The following ZNF277 variants were observed in gnomAD, a reference collection of about 807,000 sequenced individuals.
The protein encoded by ZNF277 is nuclear receptor-interacting factor 4.
Under a neutral mutation model 60.7 loss-of-function variants are expected in ZNF277, and 55 were observed. The ratio of observed to expected loss-of-function variants is 0.91; its 90% confidence interval spans 0.73 to 1.13. ZNF277 has a LOEUF of 1.13. ZNF277 is among the 50% of genes most tolerant of loss of function. ZNF277 has a pLI of 0.00. For synonymous variants in ZNF277, 178 were observed against 179.3 expected (o/e 0.99, Z 0.06); for missense variants, 510 against 523.0 (o/e 0.98, Z 0.24).
chr7:112,282,069 G>T (rs925697792), intron 1 of ZNF277, among the ~76,000 whole-genome samples: 2 of 152,150 alleles, frequency 1.3e-5, no homozygotes, highest in Non-Finnish European at 2.9e-5. Context: ...CTGACCTTGC[G>T]ATCTGCCTAC....
Position 112,222,102 on chromosome 7 carries a change from T to A in ZNF277, c.91+15295T>A, listed in dbSNP as rs140744836. On this transcript the variant is annotated intron_variant, in intron 1 of 11. Coordinates refer to ENST00000361822, the MANE Select transcript of ZNF277 (RefSeq NM_021994.3). ...GCTGTTGAATTTAGTTTGCAACTAT[T>A]TTGTTGAGTATTTTGTCTATCAGGG... 1.8e-3 allele frequency among the ~76,000 whole-genome samples: 274 copies of A among 152,332 alleles called. 1 individual carries two copies. The highest frequency in any genetic ancestry group is 6.3e-3 in the African/African-American group (263 of 41,570).
intron 1 of ZNF277, among the ~76,000 whole-genome samples, chr7:112,232,736 T>C (rs145647479): frequency 0.013 from 1,990 of 152,302 alleles, 48 homozygotes; most frequent in African/African-American, 0.046. Context: ...GTGCACGTCC[T>C]ATCCCATTGA....
chr7:112,235,457 G>A (rs567974193), intron 1 of ZNF277, among the ~76,000 whole-genome samples: 55 of 152,142 alleles, frequency 3.6e-4, no homozygotes, highest in African/African-American at 1.3e-3. Context: ...CCACCCAAGT[G>A]AGTATGAAGT....
intron 1 of ZNF277, among the ~76,000 whole-genome samples, chr7:112,258,878 T>C (rs756146838): frequency 2.0e-5 from 3 of 152,060 alleles, no homozygotes; most frequent in Non-Finnish European, 4.4e-5. Flanking sequence ...CCATTTGCCT[T>C]TGTGACATTA....
intron 1 of ZNF277, among the ~76,000 whole-genome samples, chr7:112,278,802 C>G (rs1165900121): frequency 2.0e-5 from 3 of 152,090 alleles, no homozygotes; most frequent in Non-Finnish European, 2.9e-5. Context: ...TTAATGTACA[C>G]TACTATTAAG....
At chr7:112,298,736 C>T (rs1422225682) in intron 4 of ZNF277, among the ~76,000 whole-genome samples, 1 of 152,192 alleles carries the variant, frequency 6.6e-6, no homozygotes, top group African/African-American at 2.4e-5. Context: ...TTGGTTCTTG[C>T]TTCATAGCAC....
Position 112,337,748 on chromosome 7 carries a change from A to G in ZNF277, c.888A>G (p.Glu296=), listed in dbSNP as rs930111217. ...DHQEDDWSDW[E]EHPASAVCLF... ...AATTCAGTGACTGGTCTGATTGGGA[A>G]GAACACCCTGCCTCTGCAGTCTGCT... is the stretch of plus-strand genomic sequence containing the variant. The change falls in exon 9 of 12, where the codon GAA becomes GAG. Residue 296 remains glutamate (E), a synonymous_variant. Coordinates refer to ENST00000361822, the MANE Select transcript of ZNF277 (RefSeq NM_021994.3). 1.2e-6 allele frequency: 2 copies of G among 1,612,374 alleles called. No homozygotes were observed. Among genetic ancestry groups the G allele is most frequent in the Non-Finnish European group, 1.7e-6 (2 of 1,179,442 alleles).
At chr7:112,241,955 AC>A (rs1790964036) in intron 1 of ZNF277, among the ~76,000 whole-genome samples, 2 of 152,120 alleles carry the variant, frequency 1.3e-5, no homozygotes, top group African/African-American at 4.8e-5. Flanking sequence ...CAGGTTGACT[AC>A]AGTCAACAGA....
chr7:112,270,200 G>A (rs1191457479), intron 1 of ZNF277, among the ~76,000 whole-genome samples: 1 of 151,990 alleles, frequency 6.6e-6, no homozygotes, highest in African/African-American at 2.4e-5. Flanking sequence ...TTGAATTCTA[G>A]GATTCATGCT....
intron 4 of ZNF277, among the ~76,000 whole-genome samples, chr7:112,310,452 T>C (rs1194933895): frequency 5.8e-5 from 5 of 85,670 alleles, no homozygotes; most frequent in Admixed American, 1.1e-4. Flanking sequence ...TTAGGTTAGG[T>C]TTGAGAGAGA....
chr7:112,229,790 G>A (rs1822274670), intron 1 of ZNF277, among the ~76,000 whole-genome samples: 1 of 152,236 alleles, frequency 6.6e-6, no homozygotes, highest in Non-Finnish European at 1.5e-5. Flanking sequence ...GAAGCAGCAA[G>A]TTAATTTATC....
chr7:112,226,431 C>T (rs1822177829), intron 1 of ZNF277, among the ~76,000 whole-genome samples: 1 of 152,126 alleles, frequency 6.6e-6, no homozygotes, highest in African/African-American at 2.4e-5. Context: ...TTTATATAAA[C>T]AAAACCTACC....
At chr7:112,233,769 T>C (rs1367615006) in intron 1 of ZNF277, among the ~76,000 whole-genome samples, 1 of 152,206 alleles carries the variant, frequency 6.6e-6, no homozygotes, top group Non-Finnish European at 1.5e-5. Context: ...GGTTCCAATA[T>C]TCTCATTTGA....
At chr7:112,231,996 C>T (rs956994398) in intron 1 of ZNF277, among the ~76,000 whole-genome samples, 6 of 144,016 alleles carry the variant, frequency 4.2e-5, no homozygotes, top group East Asian at 2.0e-4. Flanking sequence ...CCTCCCTTGG[C>T]GAAAACAGCA....
chr7:112,313,344 A>C (rs1213937215), intron 4 of ZNF277, among the ~76,000 whole-genome samples: 1 of 150,030 alleles, frequency 6.7e-6, no homozygotes, highest in Non-Finnish European at 1.5e-5. Flanking sequence ...CAGTGGTGTG[A>C]TCACAGCTCA....
At chr7:112,281,471 T>A (rs1791942135) in intron 1 of ZNF277, among the ~76,000 whole-genome samples, 1 of 152,228 alleles carries the variant, frequency 6.6e-6, no homozygotes, top group African/African-American at 2.4e-5. Context: ...AAAAATAATT[T>A]AAAAATTTCT....
At chr7:112,212,196 C>T (rs1318858221) in intron 1 of ZNF277, among the ~76,000 whole-genome samples, 1 of 152,118 alleles carries the variant, frequency 6.6e-6, no homozygotes, top group Non-Finnish European at 1.5e-5. Flanking sequence ...TTAGATCTGG[C>T]CTTTATAACT....
At position 112,228,377 on chromosome 7, in the gene ZNF277, C is replaced by T. The variant is rs184407714; in HGVS notation, c.91+21570C>T. On this transcript the variant is annotated intron_variant, in intron 1 of 11. Transcript: ENST00000361822. ...TCTATTGAATATATCACCCATATTT[C>T]TATACAGTCTTCTATTCCATTTGGC... 2.1e-3 allele frequency among the ~76,000 whole-genome samples: 297 copies of T among 142,740 alleles called. 1 individual carries two copies. Among genetic ancestry groups the T allele is most frequent in the Middle Eastern group, 0.016 (4 of 256 alleles). The allele number at this position is 142,740 out of a possible 152,430, so 93.6% of individuals were successfully genotyped here. A position where few individuals can be genotyped will look rare whatever the true frequency, so the allele number is the denominator to read the frequency against.
chr7:112,230,580 A>T (rs1822297610), intron 1 of ZNF277, among the ~76,000 whole-genome samples: 1 of 152,192 alleles, frequency 6.6e-6, no homozygotes, highest in Non-Finnish European at 1.5e-5. Context: ...AGAATCATCT[A>T]AGAGTCACAG....
Sources: gnomAD v4.1 joint callset for allele counts (sites outside exome capture counted in the v4.1 genomes callset) on GRCh38, gnomAD v4.1.1 for gene constraint, MANE v1.5 for transcripts, NCBI Gene and HGNC (gene_info 2026-07-23, HGNC 2026-07-21) for gene names.